PEX1: variants seen among roughly 807,000 people sequenced by gnomAD.
The protein encoded by PEX1 is peroxisomal biogenesis factor 1.
PEX1 carries 97 observed loss-of-function variants against 152.5 expected under a neutral mutation model. The ratio of observed to expected loss-of-function variants is 0.64; its 90% confidence interval spans 0.54 to 0.75. The LOEUF (loss-of-function observed/expected upper bound fraction) is 0.75. PEX1 is among the 30% of genes least tolerant of loss of function. PEX1 has a pLI of 0.00. For synonymous variants in PEX1, 485 were observed against 531.6 expected (o/e 0.91, Z 1.21); for missense variants, 1,357 against 1,516.3 (o/e 0.89, Z 1.74).
intron 16 of PEX1, among the ~76,000 whole-genome samples, chr7:92,498,171 C>T (rs1447243437): frequency 3.3e-5 from 5 of 151,152 alleles, no homozygotes; most frequent in African/African-American, 1.2e-4. Flanking sequence ...AAAAACACGA[C>T]AAAAGAGTAA....
intron 15 of PEX1, among the ~76,000 whole-genome samples, chr7:92,500,305 G>A (rs1330372175): frequency 6.6e-6 from 1 of 152,174 alleles, no homozygotes; most frequent in Non-Finnish European, 1.5e-5. Flanking sequence ...AGGCACCACT[G>A]CTCAAGAACA....
chr7:92,502,370 T>G (rs183206740), intron 13 of PEX1, among the ~76,000 whole-genome samples: 233 of 152,322 alleles, frequency 1.5e-3, no homozygotes, highest in African/African-American at 5.4e-3. Flanking sequence ...TATATCTTAA[T>G]AAAGTTGTGA....
chr7:92,518,054 A>C lies in PEX1; in HGVS notation c.473-12T>G, dbSNP rs1792882019. On this transcript the variant is annotated splice_polypyrimidine_tract_variant and intron_variant, in intron 4 of 23. Coordinates refer to ENST00000248633, the MANE Select transcript of PEX1 (RefSeq NM_000466.3). The stretch of plus-strand genomic sequence containing the variant: ...TGGTATTAGTGCAACTGTGTAGAAA[A>C]TAAAGCTCATTAGTGCACATTCATT... 1 of 1,614,146 alleles carries C rather than the reference A, an allele frequency of 6.2e-7. No individual in the cohort carries two copies. Among genetic ancestry groups the C allele is most frequent in the African/African-American group, 1.3e-5 (1 of 75,072 alleles).
chr7:92,510,307 C>T (rs1230796328), intron 8 of PEX1, among the ~76,000 whole-genome samples: 3 of 151,514 alleles, frequency 2.0e-5, no homozygotes, highest in Non-Finnish European at 4.4e-5. Flanking sequence ...CTCTACAAAA[C>T]ATACAAAAAT....
At chr7:92,488,545 T>G (rs530054920) in intron 23 of PEX1, among the ~76,000 whole-genome samples, 2 of 152,290 alleles carry the variant, frequency 1.3e-5, no homozygotes, top group East Asian at 3.9e-4. Flanking sequence ...AAATCCAATG[T>G]ATAACAAATG....
intron 3 of PEX1, 138 bp downstream of exon 3, chr7:92,518,857 A>G: frequency 1.4e-6 from 1 of 715,644 alleles, no homozygotes; most frequent in South Asian, 1.5e-5. Flanking sequence ...GGCATGAGCT[A>G]CTGTGCCTGG....
intron 1 of PEX1, among the ~76,000 whole-genome samples, chr7:92,525,376 A>C (rs1585264664): frequency 6.6e-6 from 1 of 152,234 alleles, no homozygotes; most frequent in African/African-American, 2.4e-5. Context: ...TGCTAACACA[A>C]GGGAAATGAA....
At chr7:92,499,658 T>G in intron 16 of PEX1, 46 bp downstream of exon 16, 1 of 1,491,816 alleles carries the variant, frequency 6.7e-7, no homozygotes, top group Non-Finnish European at 9.4e-7. Context: ...ACTGCATTTA[T>G]GTTAATTTTA....
In PEX1 at chr7:92,517,313, G is replaced by T. The variant is rs1792834655; in HGVS notation, c.1202C>A (p.Thr401Asn). Residue 401 changes from threonine to asparagine, a missense_variant, in exon 5 of 24, where the codon ACC (threonine) becomes AAC (asparagine). Physicochemically the swap from Thr to Asn is moderately conservative, Grantham distance 65 (BLOSUM62 0). Transcript: ENST00000248633. Reference sequence around the variant, plus strand: ...AAGATGGAGAACTTCTACATTTTTGGTATATTTGATGGCATTGTTCAATTC... The same window carrying T: ...AAGATGGAGAACTTCTACATTTTTGTTATATTTGATGGCATTGTTCAATTC... The part of the protein sequence containing the change: ...LEELNNAIKY[T>N]KNVEVLHLGK... 2 of 1,613,478 alleles carry T rather than the reference G, an allele frequency of 1.2e-6. No individual in the cohort carries two copies. Among genetic ancestry groups the T allele is most frequent in the Non-Finnish European group, 1.7e-6 (2 of 1,179,762 alleles).
chr7:92,507,193 T>C, intron 9 of PEX1, 67 bp from the exon 10 acceptor site: 3 of 1,363,500 alleles, frequency 2.2e-6, no homozygotes, highest in Non-Finnish European at 3.1e-6. Context: ...TATAAAAAAA[T>C]GCTGAATTTT....
chr7:92,520,676 C>T (rs546833464), intron 2 of PEX1, among the ~76,000 whole-genome samples: 9 of 152,322 alleles, frequency 5.9e-5, no homozygotes, highest in African/African-American at 2.2e-4. Context: ...ACTTTCTGTT[C>T]CTATCAGTGA....
chr7:92,501,195 A>G (rs1791905031), intron 15 of PEX1, among the ~76,000 whole-genome samples: 1 of 152,172 alleles, frequency 6.6e-6, no homozygotes, highest in African/African-American at 2.4e-5. Context: ...ATGGTGGTTC[A>G]TGCCTGTAGT....
intron 10 of PEX1, 132 bp from the exon 11 acceptor site, chr7:92,506,476 G>T: frequency 1.4e-6 from 1 of 692,122 alleles, no homozygotes; most frequent in Non-Finnish European, 2.6e-6. Context: ...GAAGAGGAGA[G>T]AATACTTCCC....
chr7:92,522,024 A>T, intron 2 of PEX1, 78 bp downstream of exon 2: 1 of 1,485,064 alleles, frequency 6.7e-7, no homozygotes, highest in Non-Finnish European at 9.4e-7. Flanking sequence ...TTTAACAAAA[A>T]ATCTAAACTT....
In PEX1 at chr7:92,507,149, C is replaced by T. The variant is rs1193611410; in HGVS notation, c.1671-23G>A. On this transcript the variant is annotated intron_variant, in intron 9 of 23. Coordinates refer to ENST00000248633, the MANE Select transcript of PEX1 (RefSeq NM_000466.3). ...CCTCTGTAAAAAATATACATAGTTA[C>T]ATGATAAAAGACTGAAGCAGGATAA... is the stretch of plus-strand genomic sequence containing the variant. The T allele has an allele frequency of 1.9e-6, 3 of 1,609,086 alleles. No individual in the cohort carries two copies. In the East Asian group the frequency reaches 6.7e-5, roughly 36 times the overall value.
At chr7:92,509,595 T>C (rs890710566) in intron 8 of PEX1, among the ~76,000 whole-genome samples, 184 bp from the exon 9 acceptor site, 2 of 152,176 alleles carry the variant, frequency 1.3e-5, no homozygotes, top group African/African-American at 4.8e-5. Context: ...TAAATATTTA[T>C]GGTCAACAAG....
intron 2 of PEX1, among the ~76,000 whole-genome samples, chr7:92,521,622 A>G (rs1004244723): frequency 4.0e-5 from 6 of 151,818 alleles, no homozygotes; most frequent in Non-Finnish European, 7.4e-5. Context: ...TTTAGTAGAG[A>G]GGGGGGGTTT....
In PEX1 at chr7:92,504,833, G is replaced by A. The variant is rs1252704460; in HGVS notation, c.1970C>T (p.Ser657Phe). 5.0e-6 allele frequency: 8 copies of A among 1,614,054 alleles called. No individual in the cohort carries two copies. Among genetic ancestry groups the A allele is most frequent in the African/African-American group, 1.3e-5 (1 of 75,044 alleles). The change falls in exon 12 of 24, where the codon TCT becomes TTT. Residue 657 changes from serine to phenylalanine, a missense_variant. Ser to Phe is a radical substitution (Grantham distance 155). Transcript: ENST00000248633. ...GTCAAGGTCATCCAGCAGGACAACA[G>A]ATGGCTGCATCCACACTGCCTCTGA... ...AFSEAVWMQP[S>F]VVLLDDLDLI...
At chr7:92,524,512 C>G (rs1200308671) in intron 1 of PEX1, among the ~76,000 whole-genome samples, 2 of 152,150 alleles carry the variant, frequency 1.3e-5, no homozygotes, top group Non-Finnish European at 2.9e-5. Context: ...GGTGATCTGC[C>G]TGCCTCAGCC....
Sources: gnomAD v4.1 joint callset for allele counts (sites outside exome capture counted in the v4.1 genomes callset) on GRCh38, gnomAD v4.1.1 for gene constraint, MANE v1.5 for transcripts, NCBI Gene and HGNC (gene_info 2026-07-23, HGNC 2026-07-21) for gene names.